LRBA: variants seen among roughly 807,000 people sequenced by gnomAD.
LRBA encodes LPS responsive beige-like anchor protein.
A neutral mutation model predicts 330.0 loss-of-function variants in LRBA; 176 were observed. That is an observed-to-expected ratio of 0.53 (90% CI 0.47 to 0.60). The LOEUF (loss-of-function observed/expected upper bound fraction) is 0.60, where lower values mean the gene tolerates loss of function less well. LRBA is among the 20% of genes least tolerant of loss of function. The probability of loss-of-function intolerance (pLI) is 0.00; values close to 1 mark genes in which losing one functional copy is unlikely to be tolerated. For missense variants in LRBA, 3,259 were observed against 3,444.8 expected, an observed-to-expected ratio of 0.95 and a Z score of 1.35; for synonymous variants, 1,230 against 1,193.0, an observed-to-expected ratio of 1.03 and a Z score of -0.64.
intron 35 of LRBA, among the ~76,000 whole-genome samples, chr4:150,737,945 A>C (rs968602413): frequency 1.3e-5 from 2 of 148,222 alleles, no homozygotes; most frequent in Non-Finnish European, 3.0e-5. Flanking sequence ...ATAACCCCAA[A>C]TTCTAACCCC....
chr4:150,724,184 G>A (rs1013357502), intron 36 of LRBA, among the ~76,000 whole-genome samples: 2 of 152,106 alleles, frequency 1.3e-5, no homozygotes, highest in Non-Finnish European at 2.9e-5. Context: ...GCAGGTTTCA[G>A]GTCTAACCCA....
At chr4:150,720,666 T>C (rs1728813622) in intron 36 of LRBA, among the ~76,000 whole-genome samples, 1 of 152,098 alleles carries the variant, frequency 6.6e-6, no homozygotes, top group African/African-American at 2.4e-5. Context: ...AAAGTGAAAG[T>C]GGTATTTCAA....
chr4:150,313,419 T>C (rs545775444), intron 51 of LRBA, among the ~76,000 whole-genome samples: 1 of 152,268 alleles, frequency 6.6e-6, no homozygotes, highest in East Asian at 1.9e-4. Flanking sequence ...TTTGCAACTA[T>C]TTGAACTTGT....
At chr4:150,603,488 GGTT>G (rs1052969505) in intron 37 of LRBA, among the ~76,000 whole-genome samples, 35 of 151,872 alleles carry the variant, frequency 2.3e-4, no homozygotes, top group African/African-American at 8.2e-4. Flanking sequence ...GCTTTTTTGT[GGTT>G]GTTGTTGTTT....
intron 37 of LRBA, among the ~76,000 whole-genome samples, chr4:150,661,505 AC>A (rs1781103798): frequency 6.6e-6 from 1 of 151,734 alleles, no homozygotes; most frequent in South Asian, 2.1e-4. Flanking sequence ...GAAAGAAAGA[AC>A]TTTTACAAAT....
At chr4:150,769,023 C>T (rs1736179728) in intron 34 of LRBA, among the ~76,000 whole-genome samples, 1 of 148,912 alleles carries the variant, frequency 6.7e-6, no homozygotes, top group Non-Finnish European at 1.5e-5. Context: ...CTGCAACCTC[C>T]GCCTCTGGGT....
At chr4:150,473,895 G>A (rs185851558) in intron 42 of LRBA, among the ~76,000 whole-genome samples, 3 of 152,244 alleles carry the variant, frequency 2.0e-5, no homozygotes, top group Admixed American at 2.0e-4. Context: ...TCAGACACAT[G>A]ATATACAAAT....
intron 22 of LRBA, among the ~76,000 whole-genome samples, chr4:150,865,451 A>C (rs1411005148): frequency 6.6e-6 from 1 of 152,220 alleles, no homozygotes; most frequent in Non-Finnish European, 1.5e-5. Flanking sequence ...TTTAGATCTG[A>C]CACTTAGGCC....
At chr4:150,654,055 A>T (rs1779951079) in intron 37 of LRBA, among the ~76,000 whole-genome samples, 1 of 152,214 alleles carries the variant, frequency 6.6e-6, no homozygotes. Context: ...TCTATGTAGT[A>T]TATAATAGCA....
intron 50 of LRBA, among the ~76,000 whole-genome samples, chr4:150,316,976 T>C (rs1231770954): frequency 6.6e-6 from 1 of 152,094 alleles, no homozygotes; most frequent in Non-Finnish European, 1.5e-5. Flanking sequence ...ACACCAAATA[T>C]GAGTGCTCCT....
intron 2 of LRBA, among the ~76,000 whole-genome samples, chr4:150,997,186 T>C (rs1742750541): frequency 6.6e-6 from 1 of 152,178 alleles, no homozygotes; most frequent in Non-Finnish European, 1.5e-5. Context: ...TGTCTAACAA[T>C]AAAAACTAGA....
rs143321281 is a variant in LRBA at position 150,669,815 on chromosome 4, C to T, written c.5921+13736G>A. ...TCCTGACCTCAGGTGATCCACTCAC[C>T]TCAGCCTCCCGAAGTGCTAGGATTA... On this transcript the variant is annotated intron_variant, in intron 37 of 56. Transcript: ENST00000651943. 4.6e-3 allele frequency among the ~76,000 whole-genome samples: 698 copies of T among 152,248 alleles called. 6 individuals carry two copies. The highest frequency in any genetic ancestry group is 0.016 in the African/African-American group (667 of 41,536).
Position 150,835,487 on chromosome 4 carries a change from G to A in LRBA, c.4570-3511C>T, listed in dbSNP as rs189604203. On this transcript the variant is annotated intron_variant, in intron 28 of 56. Coordinates refer to ENST00000651943, the MANE Select transcript of LRBA (RefSeq NM_001364905.1). ...GTGTCCTCTTTTATTTCGCTGAGCA[G>A]TGATTTGTAGTTCTCCTTGAAGAGG... Among the ~76,000 whole-genome samples the A allele has an allele frequency of 1.6e-3, 243 of 152,280 alleles. 1 individual carries two copies. The highest frequency in any genetic ancestry group is 3.6e-3 in the Admixed American group (55 of 15,288).
intron 47 of LRBA, among the ~76,000 whole-genome samples, chr4:150,367,020 T>G (rs147940062): frequency 6.6e-6 from 1 of 152,172 alleles, no homozygotes; most frequent in Admixed American, 6.5e-5. Context: ...CCCTACCTCT[T>G]AGTGAATTTT....
chr4:150,756,441 A>G (rs1734320385), intron 35 of LRBA, among the ~76,000 whole-genome samples: 1 of 152,196 alleles, frequency 6.6e-6, no homozygotes, highest in Non-Finnish European at 1.5e-5. Context: ...AAATAAGAAT[A>G]AAAGGCAAAA....
At chr4:150,934,372 C>T (rs1250497855) in intron 2 of LRBA, among the ~76,000 whole-genome samples, 1 of 152,068 alleles carries the variant, frequency 6.6e-6, no homozygotes, top group Admixed American at 6.5e-5. Flanking sequence ...ATAACAGATA[C>T]AACACATCTG....
At chr4:150,778,646 C>T (rs72719607) in intron 34 of LRBA, among the ~76,000 whole-genome samples, 1,996 of 152,228 alleles carry the variant, frequency 0.013, 29 homozygotes, top group Non-Finnish European at 0.02. Context: ...AGCTTAATTT[C>T]CATAAAGGTG....
At position 150,321,121 on chromosome 4, in the gene LRBA, G is replaced by C. The variant is rs754950369; in HGVS notation, c.7630+70C>G. Reference sequence around the variant, plus strand: ...ATTAAAAGCTTAAATGTTGAGATATGCTATATTTAAGTGGGTATTACACAG... The same window carrying C: ...ATTAAAAGCTTAAATGTTGAGATATCCTATATTTAAGTGGGTATTACACAG... On this transcript the variant is annotated intron_variant, in intron 50 of 56. Transcript: ENST00000651943. This position sits in a 1 kb window ranked among gnomAD's most constrained non-coding sequence, Gnocchi z 4.5. The C allele has an allele frequency of 6.8e-5, 85 of 1,254,542 alleles. No homozygotes were observed. The highest frequency in any genetic ancestry group is 9.0e-5 in the Non-Finnish European group (81 of 898,814). The allele number at this position is 1,254,542 out of a possible 1,614,324, so 77.7% of individuals were successfully genotyped here. A position where few individuals can be genotyped will look rare whatever the true frequency, so the allele number is the denominator to read the frequency against.
intron 28 of LRBA, among the ~76,000 whole-genome samples, chr4:150,838,530 T>G (rs1748530434): frequency 6.6e-6 from 1 of 152,210 alleles, no homozygotes; most frequent in African/African-American, 2.4e-5. Flanking sequence ...TCTCACTTCA[T>G]TTCATTCATT....
Sources: allele counts gnomAD v4.1 joint callset (sites outside exome capture counted in the v4.1 genomes callset), GRCh38; gene constraint gnomAD v4.1.1; non-coding constraint Gnocchi (gnomAD v3.1); transcripts MANE v1.5; gene names NCBI Gene and HGNC (gene_info 2026-07-23, HGNC 2026-07-21).